The following SLC14A2 variants were observed in gnomAD, a reference collection of about 807,000 sequenced individuals.
The protein encoded by SLC14A2 is solute carrier family 14 member 2.
SLC14A2 carries 91 observed loss-of-function variants against 104.6 expected under a neutral mutation model. That is an observed-to-expected ratio of 0.87 (90% CI 0.73 to 1.04). The LOEUF is 1.04. Ranked by LOEUF, SLC14A2 falls within the 50% of genes least tolerant of loss-of-function variation. The pLI is 0.00. For synonymous variants in SLC14A2, 476 were observed against 466.4 expected (o/e 1.02, Z -0.27); for missense variants, 1,189 against 1,156.0 (o/e 1.03, Z -0.41).
chr18:45,624,766 C>T lies in SLC14A2; in HGVS notation c.102C>T (p.Ser34=). ...EFTSPSWPST[S]PDTHPALPLL... ...CCAGCCCGAGCTGGCCCTCGACATC[C>T]CCGGATACTCACCCAGCTCTGCCCC... Residue 34 remains serine (S), a synonymous_variant, in exon 2 of 20, where the codon TCC becomes TCT. Transcript: ENST00000255226. 6.2e-7 allele frequency: 1 copy of T among 1,613,294 alleles called. No individual in the cohort carries two copies. Among genetic ancestry groups the T allele is most frequent in the Non-Finnish European group, 8.5e-7 (1 of 1,179,736 alleles).
At chr18:45,254,243 T>C (rs1599616510) in intron 1 of SLC14A2, among the ~76,000 whole-genome samples, 1 of 152,252 alleles carries the variant, frequency 6.6e-6, no homozygotes, top group Admixed American at 6.5e-5. Flanking sequence ...GGGTAAATGG[T>C]CTGTTAACTG....
At chr18:45,343,354 C>T (rs1009187529) in intron 1 of SLC14A2, among the ~76,000 whole-genome samples, 1 of 151,936 alleles carries the variant, frequency 6.6e-6, no homozygotes, top group Non-Finnish European at 1.5e-5. Flanking sequence ...TCAGAGGTAA[C>T]CAATGCTAGG....
At chr18:45,423,554 C>G (rs1176202502) in intron 1 of SLC14A2, among the ~76,000 whole-genome samples, 3 of 152,088 alleles carry the variant, frequency 2.0e-5, no homozygotes, top group African/African-American at 7.2e-5. Context: ...CCTATCCCAC[C>G]TATTTTATGG....
chr18:45,282,017 T>A (rs1210828171), intron 1 of SLC14A2, among the ~76,000 whole-genome samples: 1 of 152,114 alleles, frequency 6.6e-6, no homozygotes, highest in African/African-American at 2.4e-5. Flanking sequence ...CCTTGACTTC[T>A]TTTTTCCTGA....
intron 1 of SLC14A2, among the ~76,000 whole-genome samples, chr18:45,305,930 C>T (rs34671869): frequency 1.2e-3 from 176 of 152,252 alleles, no homozygotes; most frequent in Non-Finnish European, 2.1e-3. Context: ...ATGAACTTCT[C>T]GCCACCAAAC....
intron 2 of SLC14A2, among the ~76,000 whole-genome samples, chr18:45,486,601 A>G (rs1406996467): frequency 6.6e-6 from 1 of 152,232 alleles, no homozygotes; most frequent in Non-Finnish European, 1.5e-5. Flanking sequence ...ACCAGCTGAG[A>G]AGCATTTTTC....
intron 2 of SLC14A2, chr18:45,529,182 G>A (rs892725557): frequency 6.6e-6 from 1 of 152,218 alleles, no homozygotes. Context: ...TGGTTAGGCA[G>A]CAATAACAAA....
chr18:45,339,709 GA>G (rs2085374393), intron 1 of SLC14A2, among the ~76,000 whole-genome samples: 1 of 152,216 alleles, frequency 6.6e-6, no homozygotes, highest in Non-Finnish European at 1.5e-5. Flanking sequence ...GGGAAGAAAG[GA>G]AAGAGCAGGT....
At chr18:45,450,942 C>T (rs912964673) in intron 1 of SLC14A2, among the ~76,000 whole-genome samples, 1 of 152,170 alleles carries the variant, frequency 6.6e-6, no homozygotes, top group East Asian at 1.9e-4. Flanking sequence ...CTTGGGGAAG[C>T]TCTGGGAAAT....
rs905941540 is a variant in SLC14A2 at position 45,650,902 on chromosome 18, GCTTT to G, written c.1351+6743_1351+6746del. Among the ~76,000 whole-genome samples, 5 of 11,654 alleles carry G rather than the reference GCTTT, an allele frequency of 4.3e-4. 1 individual carries two copies. Among genetic ancestry groups the G allele is most frequent in the Admixed American group, 1.2e-3 (1 of 840 alleles). The allele number at this position is 11,654 out of a possible 152,430, so 7.6% of individuals were successfully genotyped here. A position where few individuals can be genotyped will look rare whatever the true frequency, so the allele number is the denominator to read the frequency against. On this transcript the variant is annotated intron_variant, in intron 10 of 19. Coordinates refer to ENST00000255226, the MANE Select transcript of SLC14A2 (RefSeq NM_007163.4). ...TTACAGGCACCCACCACCATGCCCA[GCTTT>G]TTTTTTATTTTTAGCAAAGATGGGG...
chr18:45,491,396 T>C (rs1005615614), intron 2 of SLC14A2, among the ~76,000 whole-genome samples: 2 of 152,130 alleles, frequency 1.3e-5, no homozygotes, highest in Non-Finnish European at 2.9e-5. Flanking sequence ...CACGTATGGA[T>C]TCAGACATAT....
intron 1 of SLC14A2, among the ~76,000 whole-genome samples, chr18:45,339,565 CACAA>C (rs2085372666): frequency 6.6e-6 from 1 of 151,964 alleles, no homozygotes; most frequent in East Asian, 1.9e-4. Context: ...CACACACACA[CACAA>C]ACACACACAC....
intron 1 of SLC14A2, among the ~76,000 whole-genome samples, chr18:45,216,315 G>A (rs2084010111): frequency 6.6e-6 from 1 of 152,136 alleles, no homozygotes; most frequent in African/African-American, 2.4e-5. Flanking sequence ...TTCCCAAGAC[G>A]TCGATGTGTG....
At position 45,641,239 on chromosome 18, in the gene SLC14A2, T is replaced by C. The variant is rs759505939; in HGVS notation, c.1022T>C (p.Ile341Thr). 2 of 1,614,038 alleles carry C rather than the reference T, an allele frequency of 1.2e-6. No homozygotes were observed. The highest frequency in any genetic ancestry group is 2.7e-5 in the African/African-American group (2 of 74,926). ...ALSVATPFET[I>T]YTGLWSYNCV... ...TCAGTGGCCACACCCTTCGAGACCA[T>C]CTACACAGGCCTCTGGAGCTACAAC... Residue 341 changes from isoleucine to threonine, a missense_variant, in exon 8 of 20, where the codon ATC (isoleucine) becomes ACC (threonine). Transcript: ENST00000255226.
intron 1 of SLC14A2, among the ~76,000 whole-genome samples, chr18:45,388,670 T>C (rs74717743): frequency 6.6e-6 from 1 of 152,096 alleles, no homozygotes; most frequent in Non-Finnish European, 1.5e-5. Flanking sequence ...CACTTAAGAA[T>C]AGGAATTCCA....
intron 1 of SLC14A2, among the ~76,000 whole-genome samples, chr18:45,340,912 C>G (rs2085387089): frequency 6.6e-6 from 1 of 152,124 alleles, no homozygotes; most frequent in African/African-American, 2.4e-5. Flanking sequence ...CTGCTGGGAA[C>G]AAATACAGTC....
At chr18:45,528,144 A>G (rs1292912009) in intron 2 of SLC14A2, 2 of 126,346 alleles carry the variant, frequency 1.6e-5, no homozygotes, top group East Asian at 5.7e-4. Flanking sequence ...TCTTTTGACC[A>G]AAGTTACAAC....
At position 45,342,270 on chromosome 18, in the gene SLC14A2, T is replaced by G. The variant is rs545578867; in HGVS notation, c.-125+129079T>G. Among the ~76,000 whole-genome samples the G allele has an allele frequency of 6.4e-4, 98 of 152,340 alleles. 1 individual carries two copies. The highest frequency in any genetic ancestry group is 4.1e-4 in the Non-Finnish European group (28 of 68,034). On this transcript the variant is annotated intron_variant, in intron 1 of 20. Transcript: ENST00000586448. ...TGCAGCTCTGAACAGTTTCTGACAC[T>G]ATGAGGTTAGGGTGACCAGATGAGA... is the stretch of plus-strand genomic sequence containing the variant.
Position 45,660,866 on chromosome 18 carries a change from G to C in SLC14A2, c.1352-2919G>C, listed in dbSNP as rs17670646. ...GGTAAATTGCTTTATCACCTTCACTGTAAGTGTCTGCACAGACTTGAGAAG... is the reference window on the plus strand; with the variant it reads ...GGTAAATTGCTTTATCACCTTCACTCTAAGTGTCTGCACAGACTTGAGAAG... On this transcript the variant is annotated intron_variant, in intron 10 of 19. Transcript: ENST00000255226. Among the ~76,000 whole-genome samples, 3 of 152,014 alleles carry C rather than the reference G, an allele frequency of 2.0e-5. No individual in the cohort carries two copies. The East Asian group carries it at 5.8e-4, about 29-fold the overall frequency.
Sources: gnomAD v4.1 joint callset for allele counts (sites outside exome capture counted in the v4.1 genomes callset) on GRCh38, gnomAD v4.1.1 for gene constraint, MANE v1.5 for transcripts, NCBI Gene and HGNC (gene_info 2026-07-23, HGNC 2026-07-21) for gene names.